CATSPERG: variants seen among roughly 807,000 people sequenced by gnomAD.
The protein encoded by CATSPERG is cation channel sperm-associated auxiliary subunit gamma.
A neutral mutation model predicts 145.0 loss-of-function variants in CATSPERG; 115 were observed. That is an observed-to-expected ratio of 0.79 (90% CI 0.68 to 0.93). The LOEUF is 0.93. Among genes scored for constraint, CATSPERG ranks in the 40% least tolerant of loss-of-function variants. CATSPERG has a pLI of 0.00. For synonymous variants in CATSPERG, 588 were observed against 589.0 expected (o/e 1.00, Z 0.02); for missense variants, 1,296 against 1,490.1 (o/e 0.87, Z 2.14).
rs776444561 is a variant in CATSPERG at position 38,337,501 on chromosome 19, C to T, written c.267C>T (p.Ser89=). 3 of 1,552,070 alleles carry T rather than the reference C, an allele frequency of 1.9e-6. No homozygotes were observed. Among genetic ancestry groups the T allele is most frequent in the Middle Eastern group, 1.7e-4 (1 of 5,994 alleles). The change falls in exon 2 of 29, where the codon AGC becomes AGT. Residue 89 remains serine, a synonymous_variant. Transcript: ENST00000409235. ...TGGTGGACTCACCCATCGACCCGAG[C>T]GAGGTGAGGGGACCAGGGTCAAGTG... ...HMLVDSPIDP[S]EKYLGFPYYL... is the part of the protein sequence containing the mutation.
At chr19:38,340,003 C>A (rs1235410770) in intron 3 of CATSPERG, among the ~76,000 whole-genome samples, 1 of 151,990 alleles carries the variant, frequency 6.6e-6, no homozygotes, top group Non-Finnish European at 1.5e-5. Context: ...TACAGGCATG[C>A]GCCACCATGC....
chr19:38,369,634 CA>C (rs1970512359), intron 26 of CATSPERG: 1 of 344,146 alleles, frequency 2.9e-6, no homozygotes, highest in Admixed American at 4.1e-5. Flanking sequence ...AGTAAGTGCT[CA>C]AGCTATATTT....
At position 38,343,615 on chromosome 19, in the gene CATSPERG, G is replaced by C; in HGVS notation, c.360G>C (p.Thr120=). The C allele has an allele frequency of 1.3e-6, 2 of 1,551,274 alleles. No individual in the cohort carries two copies. Among genetic ancestry groups the C allele is most frequent in the Non-Finnish European group, 1.7e-6 (2 of 1,146,844 alleles). The change falls in exon 4 of 29, where the codon ACG becomes ACC. Residue 120 remains threonine (T), a synonymous_variant. Transcript: ENST00000409235. ...ACCTGGTGCGCATGGGCCACCTGAC[G>C]GGGCTAAAGCCCCTGGTGCTGGTCA... ...SEDLVRMGHL[T]GLKPLVLVTF...
intron 20 of CATSPERG, among the ~76,000 whole-genome samples, chr19:38,363,782 T>C (rs1469012220): frequency 6.6e-6 from 1 of 151,882 alleles, no homozygotes; most frequent in South Asian, 2.1e-4. Flanking sequence ...GGGTTGGGGG[T>C]AAGGTCACAG....
In CATSPERG at chr19:38,362,567, A is replaced by C; in HGVS notation, c.2349A>C (p.Ser783=). 6.2e-7 allele frequency: 1 copy of C among 1,613,856 alleles called. No homozygotes were observed. Among genetic ancestry groups the C allele is most frequent in the South Asian group, 1.1e-5 (1 of 91,086 alleles). ...SAQGHSFRTQ[S]ELGTAFQLHS... ...AGGGCCACTCGTTCCGGACGCAGTC[A>C]GAACTCGGTCTGCGCGGGACCAGAG... The change falls in exon 19 of 29, where the codon TCA becomes TCC. Residue 783 remains serine, a synonymous_variant. Transcript: ENST00000409235.
chr19:38,345,548 A>G (rs1260400456), intron 6 of CATSPERG, among the ~76,000 whole-genome samples: 2 of 150,492 alleles, frequency 1.3e-5, no homozygotes. Flanking sequence ...CTTGTTGCCC[A>G]GGCTGGAGTG....
rs773994271 is a variant in CATSPERG, at chr19:38,360,775, G to C, written c.1812G>C (p.Arg604Ser). The C allele has an allele frequency of 6.2e-7, 1 of 1,613,422 alleles. No individual in the cohort carries two copies. Among genetic ancestry groups the C allele is most frequent in the Non-Finnish European group, 8.5e-7 (1 of 1,179,802 alleles). Residue 604 changes from arginine to serine, a missense_variant, in exon 16 of 29, where the codon AGG (arginine) becomes AGC (serine). Physicochemically the swap from Arg to Ser is moderately radical, Grantham distance 110 (BLOSUM62 -1). Transcript: ENST00000409235. ...ACCAGAAGGGCCAGCTGGTCAAGAG[G>C]CTCGTGCCCGTGGAGCAGCTTCTGA... ...MNNQKGQLVK[R>S]LVPVEQLLMY...
At chr19:38,359,923 T>C in intron 14 of CATSPERG, 2 of 1,029,948 alleles carry the variant, frequency 1.9e-6, no homozygotes, top group Non-Finnish European at 2.3e-6. Context: ...AAATATTACC[T>C]ATGGAAGCAG....
In CATSPERG at chr19:38,360,623, C is replaced by T. The variant is rs777647831; in HGVS notation, c.1743C>T (p.Phe581=). Reference sequence around the variant, plus strand: ...CCAATGAGACCATGCTGACCCTCTTCTACGAAGACAGCAAACTGTACCAGG... The same window carrying T: ...CCAATGAGACCATGCTGACCCTCTTTTACGAAGACAGCAAACTGTACCAGG... The part of the protein sequence containing the change: ...YASNETMLTL[F]YEDSKLYQLV... The change falls in exon 15 of 29, where the codon TTC becomes TTT. Residue 581 remains phenylalanine, a synonymous_variant. Coordinates refer to ENST00000409235, the MANE Select transcript of CATSPERG (RefSeq NM_021185.5). 22 of 1,614,124 alleles carry T rather than the reference C, an allele frequency of 1.4e-5. No individual in the cohort carries two copies. Among genetic ancestry groups the T allele is most frequent in the Non-Finnish European group, 1.8e-5 (21 of 1,180,044 alleles).
rs1189266115 is a variant in CATSPERG, at chr19:38,348,719, C to T, written c.825+2114C>T. On this transcript the variant is annotated intron_variant, in intron 7 of 28. Transcript: ENST00000409235. ...AACTCCTGACCTCAAGTGATCCACC[C>T]GCCTCAGCCTCCCAAAGTGCTGGTA... Among the ~76,000 whole-genome samples, 4 of 151,770 alleles carry T rather than the reference C, an allele frequency of 2.6e-5. No individual in the cohort carries two copies. The South Asian group carries it at 6.3e-4, about 24-fold the overall frequency.
chr19:38,362,592 G>A lies in CATSPERG; in HGVS notation c.2356+18G>A, dbSNP rs1189716781. On this transcript the variant is annotated intron_variant, in intron 19 of 28. Transcript: ENST00000409235. ...AGAACTCGGTCTGCGCGGGACCAGA[G>A]TGGAGCCCGAAGGGCGGGGCGAGGG... 6.2e-7 allele frequency: 1 copy of A among 1,613,240 alleles called. No homozygotes were observed. Among genetic ancestry groups the A allele is most frequent in the Non-Finnish European group, 8.5e-7 (1 of 1,179,584 alleles).
In CATSPERG at chr19:38,368,251, T is replaced by A. The variant is rs946979773; in HGVS notation, c.3020+114T>A. On this transcript the variant is annotated intron_variant, in intron 26 of 28. Coordinates refer to ENST00000409235, the MANE Select transcript of CATSPERG (RefSeq NM_021185.5). ...ATCCCCAAGTCACACTGACTGCCTT[T>A]GTGTTACTTAAATGGGGCTGAACTT... 1.4e-5 allele frequency: 12 copies of A among 845,006 alleles called. No individual in the cohort carries two copies. In the African/African-American group the frequency reaches 1.5e-4, roughly 11 times the overall value. The allele number at this position is 845,006 out of a possible 1,614,324, so 52.3% of individuals were successfully genotyped here.
intron 9 of CATSPERG, 82 bp from the exon 10 acceptor site, chr19:38,356,402 A>G (rs2145091917): frequency 7.9e-6 from 10 of 1,264,284 alleles, no homozygotes; most frequent in Non-Finnish European, 1.1e-5. Context: ...TGGTGGGCAT[A>G]AGGAGGGCAA....
Position 38,360,802 on chromosome 19 carries a change from G to A in CATSPERG, c.1839G>A (p.Met613Ile). The A allele has an allele frequency of 6.2e-7, 1 of 1,610,202 alleles. No homozygotes were observed. The highest frequency in any genetic ancestry group is 8.5e-7 in the Non-Finnish European group (1 of 1,178,690). The change falls in exon 16 of 29, where the codon ATG (methionine) becomes ATA (isoleucine). Residue 613 changes from methionine to isoleucine, a missense_variant. Transcript: ENST00000409235. Reference sequence around the variant, plus strand: ...TCGTGCCCGTGGAGCAGCTTCTGATGTATCAACAGCACACCAGCCACTATG... The same window carrying A: ...TCGTGCCCGTGGAGCAGCTTCTGATATATCAACAGCACACCAGCCACTATG... ...KRLVPVEQLLMYQQHTSHYDL... is the reference protein window; with the variant it reads ...KRLVPVEQLLIYQQHTSHYDL...
In CATSPERG at chr19:38,343,609, C is replaced by T; in HGVS notation, c.354C>T (p.His118=). 1 of 1,551,222 alleles carries T rather than the reference C, an allele frequency of 6.4e-7. No individual in the cohort carries two copies. Among genetic ancestry groups the T allele is most frequent in the East Asian group, 2.4e-5 (1 of 40,910 alleles). The part of the protein sequence containing the change: ...KPSEDLVRMG[H]LTGLKPLVLV... ...CTGAGGACCTGGTGCGCATGGGCCA[C>T]CTGACGGGGCTAAAGCCCCTGGTGC... Residue 118 remains histidine (H), a synonymous_variant, in exon 4 of 29, where the codon CAC becomes CAT. Transcript: ENST00000409235.
At chr19:38,341,030 A>G (rs1273980782) in intron 3 of CATSPERG, among the ~76,000 whole-genome samples, 1 of 152,186 alleles carries the variant, frequency 6.6e-6, no homozygotes, top group Non-Finnish European at 1.5e-5. Flanking sequence ...AAGAGCCAGC[A>G]CGATGGCCCA....
Position 38,344,137 on chromosome 19 carries a change from G to A in CATSPERG, c.596+18G>A, listed in dbSNP as rs750460204. The A allele has an allele frequency of 1.6e-5, 25 of 1,551,260 alleles. No individual in the cohort carries two copies. The highest frequency in any genetic ancestry group is 5.9e-5 in the Admixed American group (3 of 50,964). On this transcript the variant is annotated intron_variant, in intron 5 of 28. Coordinates refer to ENST00000409235, the MANE Select transcript of CATSPERG (RefSeq NM_021185.5). The stretch of plus-strand genomic sequence containing the variant: ...GATAAAAGGTACCCTTTCCCAAGAC[G>A]GGGGCTGGGGTGGACTCCGGGGGAA...
intron 7 of CATSPERG, chr19:38,349,325 T>G (rs1343360183): frequency 6.6e-6 from 1 of 152,024 alleles, no homozygotes; most frequent in Non-Finnish European, 1.5e-5. Context: ...AAAGATGGGG[T>G]TTTGCCATGT....
Position 38,367,071 on chromosome 19 carries a change from G to A in CATSPERG, c.2614-85G>A, listed in dbSNP as rs1282186339. The A allele has an allele frequency of 3.7e-5, 48 of 1,301,026 alleles. No individual in the cohort carries two copies. In the South Asian group the frequency reaches 6.6e-4, roughly 18 times the overall value. 80.6% of individuals were successfully genotyped at this position (1,301,026 alleles called of 1,614,324 possible). A position where few individuals can be genotyped will look rare whatever the true frequency, so the allele number is the denominator to read the frequency against. On this transcript the variant is annotated intron_variant, in intron 22 of 28. Transcript: ENST00000409235. ...CAGCTGGTGGTGGTGTTTGTGGGAG[G>A]GGGACTGTCCTTCCTGCCCCTTACC... is the stretch of plus-strand genomic sequence containing the variant.
Sources: gnomAD v4.1 joint callset for allele counts (sites outside exome capture counted in the v4.1 genomes callset) on GRCh38, gnomAD v4.1.1 for gene constraint, MANE v1.5 for transcripts, NCBI Gene and HGNC (gene_info 2026-07-23, HGNC 2026-07-21) for gene names.